PARD3: variants seen among roughly 807,000 people sequenced by gnomAD.
The protein encoded by PARD3 is partitioning defective 3 homolog.
PARD3 carries 75 observed loss-of-function variants against 155.4 expected under a neutral mutation model. That is an observed-to-expected ratio of 0.48 (90% CI 0.40 to 0.58). The LOEUF is 0.58. Among genes scored for constraint, PARD3 ranks in the 20% least tolerant of loss-of-function variants. The pLI, the probability that PARD3 is intolerant of heterozygous loss-of-function variation, is 0.00. For missense variants in PARD3, 1,642 were observed against 1,721.7 expected, an observed-to-expected ratio of 0.95 and a Z score of 0.82; for synonymous variants, 576 against 610.5, an observed-to-expected ratio of 0.94 and a Z score of 0.83.
intron 5 of PARD3, among the ~76,000 whole-genome samples, chr10:34,446,079 AAAATG>A (rs2076723804): frequency 6.6e-6 from 1 of 152,214 alleles, no homozygotes. Context: ...GTTATTAGGA[AAAATG>A]TATTTGCTTT....
chr10:34,735,724 T>A (rs921202242), intron 1 of PARD3, among the ~76,000 whole-genome samples: 2 of 152,130 alleles, frequency 1.3e-5, no homozygotes, highest in Admixed American at 6.5e-5. Context: ...GGAAAAAAAA[T>A]TTGAAACAAC....
At chr10:34,353,620 T>C (rs994063377) in intron 14 of PARD3, among the ~76,000 whole-genome samples, 2 of 152,078 alleles carry the variant, frequency 1.3e-5, no homozygotes, top group Non-Finnish European at 2.9e-5. Flanking sequence ...CCAGAGACCC[T>C]TGTTCACATG....
intron 2 of PARD3, among the ~76,000 whole-genome samples, chr10:34,562,123 CAAAAAAAAAAA>C (rs3041198): frequency 0.063 from 1,659 of 26,346 alleles, 79 homozygotes; most frequent in African/African-American, 0.2. Flanking sequence ...CTGACTGTCT[CAAAAAAAAAAA>C]AAAAAAAAAA....
At chr10:34,768,912 C>T (rs140744030) in intron 1 of PARD3, among the ~76,000 whole-genome samples, 1 of 152,196 alleles carries the variant, frequency 6.6e-6, no homozygotes, top group Non-Finnish European at 1.5e-5. Context: ...TTCCCAGCGC[C>T]GAACTCCAGT....
intron 15 of PARD3, 71 bp downstream of exon 15, chr10:34,347,894 C>A: frequency 8.0e-7 from 1 of 1,250,724 alleles, no homozygotes; most frequent in Non-Finnish European, 1.1e-6. Flanking sequence ...TAATATTACA[C>A]CAATAACCTC....
intron 2 of PARD3, among the ~76,000 whole-genome samples, chr10:34,570,203 G>A (rs2086278945): frequency 6.6e-6 from 1 of 152,098 alleles, no homozygotes; most frequent in African/African-American, 2.4e-5. Context: ...TTTTTTCAAT[G>A]CGATACAGCA....
chr10:34,290,721 A>G (rs1042575310), intron 20 of PARD3, among the ~76,000 whole-genome samples: 4 of 151,988 alleles, frequency 2.6e-5, no homozygotes, highest in African/African-American at 9.7e-5. Flanking sequence ...AACTTTCCTG[A>G]TGTTTTTGAA....
At chr10:34,131,351 G>A in intron 23 of PARD3, 112 bp downstream of exon 23, 1 of 1,124,638 alleles carries the variant, frequency 8.9e-7, no homozygotes, top group Non-Finnish European at 1.3e-6. Flanking sequence ...AAGGTCAAAG[G>A]AATTTGGCTC....
intron 22 of PARD3, among the ~76,000 whole-genome samples, chr10:34,164,079 G>A (rs1008560491): frequency 5.3e-5 from 8 of 152,154 alleles, no homozygotes; most frequent in Admixed American, 5.2e-4. Flanking sequence ...GTGAAAGACA[G>A]CGAGTAGTAA....
chr10:34,244,448 C>A (rs775501562), intron 22 of PARD3, among the ~76,000 whole-genome samples: 1 of 152,090 alleles, frequency 6.6e-6, no homozygotes, highest in Non-Finnish European at 1.5e-5. Flanking sequence ...AACCTACATA[C>A]TTTGTTTCCT....
At chr10:34,169,688 T>G (rs927460326) in intron 22 of PARD3, among the ~76,000 whole-genome samples, 7 of 152,206 alleles carry the variant, frequency 4.6e-5, no homozygotes, top group African/African-American at 1.7e-4. Context: ...TGTGAAAGTC[T>G]TTAAAACTGG....
intron 22 of PARD3, among the ~76,000 whole-genome samples, chr10:34,180,648 C>A (rs1950228483): frequency 6.6e-6 from 1 of 152,070 alleles, no homozygotes; most frequent in South Asian, 2.1e-4. Flanking sequence ...AATTCACATA[C>A]CATTAATTCC....
intron 22 of PARD3, among the ~76,000 whole-genome samples, chr10:34,220,972 C>G (rs1469447160): frequency 1.3e-5 from 2 of 152,128 alleles, no homozygotes; most frequent in South Asian, 2.1e-4. Flanking sequence ...GACGGACTGG[C>G]CACTTCAAAT....
chr10:34,358,564 G>T (rs577655354), intron 14 of PARD3, among the ~76,000 whole-genome samples: 1 of 152,100 alleles, frequency 6.6e-6, no homozygotes, highest in African/African-American at 2.4e-5. Flanking sequence ...GCTATGGCGC[G>T]TGCCTGTAAT....
chr10:34,368,359 G>A (rs143365334), intron 12 of PARD3, among the ~76,000 whole-genome samples: 20 of 152,218 alleles, frequency 1.3e-4, no homozygotes, highest in African/African-American at 2.4e-4. Flanking sequence ...AGAAGTTGGC[G>A]TCCGTATGGA....
chr10:34,223,844 CTG>C (rs1156430045), intron 22 of PARD3, among the ~76,000 whole-genome samples: 1 of 152,192 alleles, frequency 6.6e-6, no homozygotes, highest in Non-Finnish European at 1.5e-5. Flanking sequence ...GAATGGGAAA[CTG>C]GGGCTCAGAG....
At chr10:34,516,151 G>C (rs2081746921) in intron 3 of PARD3, among the ~76,000 whole-genome samples, 1 of 152,020 alleles carries the variant, frequency 6.6e-6, no homozygotes, top group Admixed American at 6.6e-5. Context: ...TTTTAGTAGA[G>C]ATGGGGTTTC....
At chr10:34,633,057 T>C (rs1056982528) in intron 2 of PARD3, among the ~76,000 whole-genome samples, 8 of 152,228 alleles carry the variant, frequency 5.3e-5, no homozygotes, top group South Asian at 2.1e-4. Context: ...CTCTTGTATA[T>C]TGACAAGTTA....
chr10:34,677,837 G>C (rs933798360), intron 2 of PARD3, among the ~76,000 whole-genome samples: 1 of 151,854 alleles, frequency 6.6e-6, no homozygotes, highest in African/African-American at 2.4e-5. Flanking sequence ...TCATCCAAAA[G>C]TAAAAATAAA....
Sources: allele counts gnomAD v4.1 joint callset (sites outside exome capture counted in the v4.1 genomes callset), GRCh38; gene constraint gnomAD v4.1.1; transcripts MANE v1.5; gene names NCBI Gene and HGNC (gene_info 2026-07-23, HGNC 2026-07-21).